ZEB1: variants seen among roughly 807,000 people sequenced by gnomAD.
ZEB1 encodes zinc finger E-box binding homeobox 1.
In ZEB1, 21 loss-of-function variants were observed where a neutral mutation model predicts 84.9. The ratio of observed to expected loss-of-function variants is 0.25; its 90% CI spans 0.18 to 0.36. The LOEUF (loss-of-function observed/expected upper bound fraction) is 0.36, where lower values mean the gene tolerates loss of function less well. Ranked by LOEUF, ZEB1 falls within the 10% of genes least tolerant of loss-of-function variation. The pLI, the probability that ZEB1 is intolerant of heterozygous loss-of-function variation, is 1.00. For missense variants in ZEB1, 1,104 were observed against 1,330.2 expected (o/e 0.83, Z 2.65); for synonymous variants, 420 against 471.1 (o/e 0.89, Z 1.41).
chr10:31,387,878 G>A (rs770794906), intron 1 of ZEB1: 14 of 555,780 alleles, frequency 2.5e-5, no homozygotes, highest in Non-Finnish European at 3.2e-5. Flanking sequence ...CTTAAAATTG[G>A]CAATTTCTTT....
chr10:31,489,700 A>G (rs1457628493), intron 2 of ZEB1, among the ~76,000 whole-genome samples: 1 of 151,398 alleles, frequency 6.6e-6, no homozygotes. Flanking sequence ...CAGTCTATTT[A>G]GAATCAATCT....
intron 4 of ZEB1, among the ~76,000 whole-genome samples, chr10:31,503,838 T>C (rs1675801572): frequency 6.6e-6 from 1 of 152,104 alleles, no homozygotes; most frequent in African/African-American, 2.4e-5. Flanking sequence ...TTTTTTTGTA[T>C]ATCTGTGGCT....
intron 1 of ZEB1, among the ~76,000 whole-genome samples, chr10:31,442,567 T>TA (rs61471490): frequency 0.016 from 2,347 of 142,460 alleles, 54 homozygotes; most frequent in African/African-American, 0.055. Context: ...ATAATAATAA[T>TA]AAAAAAAAAA....
At chr10:31,509,433 C>T (rs1257621369) in intron 4 of ZEB1, among the ~76,000 whole-genome samples, 1 of 152,148 alleles carries the variant, frequency 6.6e-6, no homozygotes, top group Non-Finnish European at 1.5e-5. Flanking sequence ...TTTCCTGTCA[C>T]TTTTCTGTTG....
chr10:31,339,072 ATCCT>A (rs1211651892), intron 1 of ZEB1, among the ~76,000 whole-genome samples: 4 of 152,126 alleles, frequency 2.6e-5, no homozygotes, highest in African/African-American at 9.7e-5. Flanking sequence ...AATCAGACAA[ATCCT>A]TTAGAGTAAT....
At chr10:31,485,227 A>G (rs1483515977) in intron 2 of ZEB1, among the ~76,000 whole-genome samples, 1 of 151,948 alleles carries the variant, frequency 6.6e-6, no homozygotes, top group Non-Finnish European at 1.5e-5. Context: ...CAATTTGTAT[A>G]TTTATAGAAT....
At chr10:31,474,658 C>G (rs2063796570) in intron 2 of ZEB1, among the ~76,000 whole-genome samples, 1 of 152,126 alleles carries the variant, frequency 6.6e-6, no homozygotes, top group Admixed American at 6.5e-5. Context: ...TGCGGCGATT[C>G]CTCAGGGATC....
At position 31,521,195 on chromosome 10, in the gene ZEB1, A is replaced by G. The variant is rs776984554; in HGVS notation, c.1863A>G (p.Leu621=). The change falls in exon 7 of 9, where the codon CTA becomes CTG. Residue 621 remains leucine (L), a synonymous_variant. Transcript: ENST00000424869. ...ELSKIADSVN[L]PLDVVKKWFE... ...CAAAAATTGCTGATTCAGTAAACCTACCACTGGATGTAGTAAAAAAGTGGT... is the reference window on the plus strand; with the variant it reads ...CAAAAATTGCTGATTCAGTAAACCTGCCACTGGATGTAGTAAAAAAGTGGT... 1 of 1,614,100 alleles carries G rather than the reference A, an allele frequency of 6.2e-7. No individual in the cohort carries two copies. Among genetic ancestry groups the G allele is most frequent in the Non-Finnish European group, 8.5e-7 (1 of 1,180,030 alleles).
At chr10:31,462,905 G>A (rs2061976352) in intron 2 of ZEB1, among the ~76,000 whole-genome samples, 2 of 152,092 alleles carry the variant, frequency 1.3e-5, no homozygotes, top group Admixed American at 1.3e-4. Flanking sequence ...GAATAGAAGG[G>A]AGATAATTGA....
Position 31,527,160 on chromosome 10 carries a change from G to T in ZEB1, c.3274G>T (p.Gly1092Cys). The T allele has an allele frequency of 6.2e-7, 1 of 1,610,754 alleles. No individual in the cohort carries two copies. Among genetic ancestry groups the T allele is most frequent in the African/African-American group, 1.3e-5 (1 of 74,772 alleles). The change falls in exon 9 of 9, where the codon GGT becomes TGT. Residue 1092 changes from glycine (G) to cysteine (C), a missense_variant. Transcript: ENST00000424869. ...TGAGGGAGAAGAAGCAAAAACTGAA[G>T]GTCTGATGAAGGATGACAGGGCTGA... ...ENEGEEAKTE[G>C]LMKDDRAESQ...
Position 31,321,555 on chromosome 10 carries a change from G to C in ZEB1, c.58+2263G>C. 2.5e-6 allele frequency: 4 copies of C among 1,614,000 alleles called. No homozygotes were observed. The East Asian group carries it at 6.7e-5, about 27-fold the overall frequency. ...AAGGTAAGTTGGTTCGGAAAGAGCTGTTCGCTTTTTACCTTATTTAAAATG... is the reference window on the plus strand; with the variant it reads ...AAGGTAAGTTGGTTCGGAAAGAGCTCTTCGCTTTTTACCTTATTTAAAATG... On this transcript the variant is annotated intron_variant, in intron 1 of 8. Transcript: ENST00000424869.
At chr10:31,504,408 T>C (rs904226074) in intron 4 of ZEB1, among the ~76,000 whole-genome samples, 1 of 152,144 alleles carries the variant, frequency 6.6e-6, no homozygotes, top group Non-Finnish European at 1.5e-5. Flanking sequence ...AGCTTTGTTC[T>C]TTTTGCTCAG....
At chr10:31,382,032 A>AC (rs2047774173) in intron 1 of ZEB1, among the ~76,000 whole-genome samples, 1 of 149,654 alleles carries the variant, frequency 6.7e-6, no homozygotes, top group South Asian at 2.1e-4. Context: ...AAAAAAAAAA[A>AC]AACAAAGTAA....
chr10:31,523,838 TAAGTTA>T, intron 7 of ZEB1, 89 bp from the exon 8 acceptor site: 1 of 1,391,658 alleles, frequency 7.2e-7, no homozygotes, highest in Non-Finnish European at 1.0e-6. Flanking sequence ...TATAAAAGTA[TAAGTTA>T]AAGTAGTTCT....
Position 31,520,805 on chromosome 10 carries a change from A to G in ZEB1, c.1473A>G (p.Gln491=), listed in dbSNP as rs1482760569. ...CTAGCCAACTTCAAGTTGTTCCTCA[A>G]AATTTAAAAAAAGAAAATCCAGTCG... is the stretch of plus-strand genomic sequence containing the variant. ...EQPSQLQVVP[Q]NLKKENPVAT... Residue 491 remains glutamine (Q), a synonymous_variant, in exon 7 of 9, where the codon CAA becomes CAG. Coordinates refer to ENST00000424869, the MANE Select transcript of ZEB1 (RefSeq NM_001174096.2). The surrounding 1 kb of genome is among the most constrained non-coding windows in gnomAD (Gnocchi z 5.1). The G allele has an allele frequency of 8.7e-6, 14 of 1,613,980 alleles. No homozygotes were observed. The South Asian group carries it at 8.8e-5, about 10-fold the overall frequency.
At chr10:31,516,429 A>T (rs7071210) in intron 6 of ZEB1, among the ~76,000 whole-genome samples, 1 of 151,750 alleles carries the variant, frequency 6.6e-6, no homozygotes, top group Non-Finnish European at 1.5e-5. Flanking sequence ...TGGGGGGACA[A>T]AATGAATGCT....
chr10:31,424,999 T>G (rs72807303), intron 1 of ZEB1, among the ~76,000 whole-genome samples: 2 of 151,870 alleles, frequency 1.3e-5, no homozygotes, highest in Admixed American at 1.3e-4. Flanking sequence ...ACAATCAAAT[T>G]TTTTTTAAAT....
At chr10:31,453,727 T>C (rs2060872745) in intron 1 of ZEB1, among the ~76,000 whole-genome samples, 1 of 152,132 alleles carries the variant, frequency 6.6e-6, no homozygotes, top group Admixed American at 6.6e-5. Context: ...AATCCCTGAA[T>C]AGACCAATAA....
At chr10:31,499,804 A>G (rs535118557) in intron 3 of ZEB1, among the ~76,000 whole-genome samples, 4 of 152,284 alleles carry the variant, frequency 2.6e-5, no homozygotes, top group South Asian at 2.1e-4. Flanking sequence ...AAGAAAACAT[A>G]AAGTATAAGT....
Sources: gnomAD v4.1 joint callset for allele counts (sites outside exome capture counted in the v4.1 genomes callset) on GRCh38, gnomAD v4.1.1 for gene constraint, Gnocchi (gnomAD v3.1) non-coding constraint, MANE v1.5 for transcripts, NCBI Gene and HGNC (gene_info 2026-07-23, HGNC 2026-07-21) for gene names.